Variants in TENM2 observed in about 807,000 individuals in gnomAD.
The protein encoded by TENM2 is teneurin transmembrane protein 2.
In TENM2, 52 loss-of-function variants were observed where a neutral mutation model predicts 245.2. The ratio of observed to expected loss-of-function variants is 0.21; its 90% CI spans 0.17 to 0.27. TENM2 has a LOEUF of 0.27. TENM2 is among the 10% of genes least tolerant of loss of function. The pLI, the probability that TENM2 is intolerant of heterozygous loss-of-function variation, is 1.00. For synonymous variants in TENM2, 1,363 were observed against 1,438.9 expected (o/e 0.95, Z 1.19); for missense variants, 3,046 against 3,666.8 (o/e 0.83, Z 4.37).
At chr5:167,011,149 A>G in the TENM2 span, among the ~76,000 whole-genome samples, 1 of 152,242 alleles carries the variant, frequency 6.6e-6, no homozygotes, top group South Asian at 2.1e-4. Flanking sequence ...TCCTTGCAGT[A>G]TCACCACCTA....
intron 3 of TENM2, among the ~76,000 whole-genome samples, chr5:167,891,436 C>A (rs1774748423): frequency 6.6e-6 from 1 of 152,208 alleles, no homozygotes; most frequent in African/African-American, 2.4e-5. Flanking sequence ...GCTTTCCTAG[C>A]TGGACTTCTT....
At chr5:167,458,136 A>T (rs1222891808) in intron 2 of TENM2, among the ~76,000 whole-genome samples, 2 of 152,176 alleles carry the variant, frequency 1.3e-5, no homozygotes, top group Non-Finnish European at 2.9e-5. Context: ...AAACATTGTT[A>T]TACACAATAA....
At chr5:168,189,689 TAGAG>T (rs1177907984) in intron 13 of TENM2, among the ~76,000 whole-genome samples, 1 of 152,178 alleles carries the variant, frequency 6.6e-6, no homozygotes, top group African/African-American at 2.4e-5. Flanking sequence ...CTTCCTGGCT[TAGAG>T]AGAGTGGGAT....
intron 9 of TENM2, among the ~76,000 whole-genome samples, chr5:168,103,422 C>T (rs2152292656): frequency 6.6e-6 from 1 of 152,264 alleles, no homozygotes; most frequent in South Asian, 2.1e-4. Context: ...CATCCAGGAT[C>T]CCACATTGCA....
At chr5:168,230,025 T>G (rs1482194666) in intron 25 of TENM2, among the ~76,000 whole-genome samples, 1 of 152,206 alleles carries the variant, frequency 6.6e-6, no homozygotes, top group Admixed American at 6.5e-5. Context: ...GTTTTCCAAA[T>G]AAAGATAAAT....
At chr5:168,131,476 T>TG (rs1490821616) in intron 12 of TENM2, among the ~76,000 whole-genome samples, 1 of 152,148 alleles carries the variant, frequency 6.6e-6, no homozygotes, top group Non-Finnish European at 1.5e-5. Context: ...TTTAATTGGT[T>TG]GGGGAAAGAA....
At chr5:168,087,593 A>G (rs3101760) in intron 7 of TENM2, among the ~76,000 whole-genome samples, 8,435 of 150,172 alleles carry the variant, frequency 0.056, 746 homozygotes, top group African/African-American at 0.19. Flanking sequence ...TGGGTGACAG[A>G]GCGAGACTCC....
At chr5:168,254,564 G>A (rs1408826969) in intron 27 of TENM2, among the ~76,000 whole-genome samples, 2 of 151,752 alleles carry the variant, frequency 1.3e-5, no homozygotes, top group Non-Finnish European at 2.9e-5. Flanking sequence ...GAGGAAGGAA[G>A]AAGAAGAGAA....
intron 13 of TENM2, among the ~76,000 whole-genome samples, chr5:168,167,691 TGTCCCTG>T (rs1221595968): frequency 1.3e-5 from 2 of 152,226 alleles, no homozygotes; most frequent in African/African-American, 4.8e-5. Context: ...TTCTCTTTCA[TGTCCCTG>T]GTTTCTGAAC....
At chr5:167,507,245 A>G (rs1276065133) in intron 2 of TENM2, among the ~76,000 whole-genome samples, 1 of 152,234 alleles carries the variant, frequency 6.6e-6, no homozygotes, top group African/African-American at 2.4e-5. Flanking sequence ...TGTATTACCC[A>G]TAAGTAATTT....
At chr5:167,473,183 G>A (rs1321747205) in intron 2 of TENM2, among the ~76,000 whole-genome samples, 1 of 152,082 alleles carries the variant, frequency 6.6e-6, no homozygotes, top group Non-Finnish European at 1.5e-5. Context: ...ACCTATGTAG[G>A]CTTATCATTG....
intron 2 of TENM2, among the ~76,000 whole-genome samples, chr5:167,423,065 C>G (rs73373217): frequency 2.6e-5 from 4 of 151,718 alleles, no homozygotes; most frequent in African/African-American, 9.7e-5. Context: ...GAAAAAGTCA[C>G]CCATGAAACT....
the TENM2 span, among the ~76,000 whole-genome samples, chr5:167,091,224 A>T: frequency 6.6e-6 from 1 of 151,900 alleles, no homozygotes; most frequent in East Asian, 1.9e-4. Flanking sequence ...GGGCTGGGGG[A>T]ACTTTTACAA....
intron 13 of TENM2, among the ~76,000 whole-genome samples, chr5:168,179,418 CA>C (rs1233732744): frequency 6.6e-5 from 10 of 152,154 alleles, no homozygotes; most frequent in Admixed American, 6.5e-4. Context: ...AAACTTAAGT[CA>C]AAAGTGTGAA....
At chr5:168,198,620 A>G (rs1271539073) in intron 15 of TENM2, among the ~76,000 whole-genome samples, 1 of 152,196 alleles carries the variant, frequency 6.6e-6, no homozygotes, top group Admixed American at 6.5e-5. Flanking sequence ...TGGTGTAATT[A>G]TTCCCATTTT....
the TENM2 span, among the ~76,000 whole-genome samples, chr5:167,042,973 G>T: frequency 1.3e-5 from 2 of 152,182 alleles, no homozygotes; most frequent in African/African-American, 4.8e-5. Context: ...TAAAGGACTT[G>T]TCCAAGGACT....
intron 2 of TENM2, among the ~76,000 whole-genome samples, chr5:167,438,637 T>C (rs1401540108): frequency 6.6e-6 from 1 of 152,126 alleles, no homozygotes; most frequent in Non-Finnish European, 1.5e-5. Context: ...GACCTCGTGA[T>C]TCGTCCGCCT....
chr5:167,080,879 T>C, the TENM2 span, among the ~76,000 whole-genome samples: 1 of 152,100 alleles, frequency 6.6e-6, no homozygotes, highest in Non-Finnish European at 1.5e-5. Context: ...GAACACTTTT[T>C]ATAAAAGGGC....
intron 2 of TENM2, among the ~76,000 whole-genome samples, chr5:167,646,177 CAT>C (rs57273762): frequency 0.69 from 55,076 of 80,190 alleles, 18,780 homozygotes; most frequent in Non-Finnish European, 0.77. Flanking sequence ...ATGTTGTTTT[CAT>C]ATATATATAT....
Sources: allele counts gnomAD v4.1 joint callset (sites outside exome capture counted in the v4.1 genomes callset), GRCh38; gene constraint gnomAD v4.1.1; transcripts MANE v1.5; gene names NCBI Gene and HGNC (gene_info 2026-07-23, HGNC 2026-07-21).